The following TMEM150C variants were observed in gnomAD, a reference collection of about 807,000 sequenced individuals.
TMEM150C encodes transmembrane protein 150C, also known as tentonin 3.
In TMEM150C, 10 loss-of-function variants were observed where a neutral mutation model predicts 29.9. That is an observed-to-expected ratio of 0.33 (90% CI 0.21 to 0.57). The LOEUF (loss-of-function observed/expected upper bound fraction) is 0.57. Among genes scored for constraint, TMEM150C ranks in the 20% least tolerant of loss-of-function variants. The pLI, the probability that TMEM150C is intolerant of heterozygous loss-of-function variation, is 0.88. For missense variants in TMEM150C, 251 were observed against 303.6 expected (o/e 0.83, Z 1.29); for synonymous variants, 101 against 112.5 (o/e 0.90, Z 0.64).
intron 1 of TMEM150C, among the ~76,000 whole-genome samples, chr4:82,545,632 A>T (rs1299744699): frequency 6.6e-6 from 1 of 152,196 alleles, no homozygotes; most frequent in Admixed American, 6.5e-5. Flanking sequence ...CTATACTTAG[A>T]AAATCCTATA....
chr4:82,495,274 C>G, intron 6 of TMEM150C: 1 of 224,776 alleles, frequency 4.4e-6, no homozygotes, highest in Non-Finnish European at 8.8e-6. Flanking sequence ...AACTCCGTCT[C>G]TACTAAAAAT....
chr4:82,527,195 C>T (rs538890191), intron 1 of TMEM150C, among the ~76,000 whole-genome samples: 26 of 151,776 alleles, frequency 1.7e-4, no homozygotes, highest in Non-Finnish European at 3.7e-4. Flanking sequence ...TGTGTGTTTC[C>T]GGTGAGAATG....
chr4:82,544,797 AT>A (rs891144664), intron 1 of TMEM150C, among the ~76,000 whole-genome samples: 21 of 149,052 alleles, frequency 1.4e-4, no homozygotes, highest in Admixed American at 1.1e-3. Context: ...GAAATGTAGC[AT>A]TTGTTTTTCA....
At chr4:82,491,156 C>T (rs1723332271) in intron 6 of TMEM150C, 1 of 701,762 alleles carries the variant, frequency 1.4e-6, no homozygotes, top group South Asian at 1.5e-5. Flanking sequence ...CGTGTGCAAT[C>T]ACCACCAGCT....
chr4:82,505,234 A>AT (rs1215335734), intron 1 of TMEM150C, among the ~76,000 whole-genome samples: 1 of 152,050 alleles, frequency 6.6e-6, no homozygotes, highest in Non-Finnish European at 1.5e-5. Context: ...TTTTGTAGAG[A>AT]TGGGGTCTAG....
chr4:82,524,102 C>CAAAAAAAAA (rs75621252), intron 1 of TMEM150C, among the ~76,000 whole-genome samples: 1 of 109,514 alleles, frequency 9.1e-6, no homozygotes, highest in African/African-American at 3.1e-5. Flanking sequence ...ACTAAAAATA[C>CAAAAAAAAA]AAAAAAAAAA....
intron 1 of TMEM150C, among the ~76,000 whole-genome samples, chr4:82,558,140 A>C (rs1217828322): frequency 6.6e-6 from 1 of 152,200 alleles, no homozygotes; most frequent in Non-Finnish European, 1.5e-5. Flanking sequence ...ATTGCCTTTA[A>C]ATGCTATCTC....
In TMEM150C at chr4:82,502,680, A is replaced by G. The variant is rs747427267; in HGVS notation, c.235+47T>C. 4.5e-5 allele frequency: 70 copies of G among 1,548,242 alleles called. No individual in the cohort carries two copies. In the African/African-American group the frequency reaches 8.4e-4, roughly 19 times the overall value. ...AGGGTTTGGGAGAATTTAAAATACA[A>G]AAGAAATGTACCAAAGCACATAAAG... On this transcript the variant is annotated intron_variant, in intron 5 of 7. Coordinates refer to ENST00000449862, the MANE Select transcript of TMEM150C (RefSeq NM_001080506.3).
intron 1 of TMEM150C, among the ~76,000 whole-genome samples, chr4:82,504,891 G>A (rs1473346472): frequency 3.3e-5 from 5 of 152,184 alleles, no homozygotes; most frequent in African/African-American, 4.8e-5. Flanking sequence ...ATAGCCGGGC[G>A]TGGTGGCGGG....
At chr4:82,505,848 G>T (rs1363980032) in intron 1 of TMEM150C, among the ~76,000 whole-genome samples, 1 of 152,142 alleles carries the variant, frequency 6.6e-6, no homozygotes, top group African/African-American at 2.4e-5. Context: ...AAAATTATCA[G>T]TATTAAACAT....
chr4:82,490,137 G>T lies in TMEM150C; in HGVS notation c.465C>A (p.Asn155Lys). Residue 155 changes from asparagine (N) to lysine (K), a missense_variant, in exon 7 of 8, where the codon AAC becomes AAA. By Grantham distance (94) the Asn-to-Lys change is moderately conservative (BLOSUM62 0). Transcript: ENST00000449862. ...WIQAALTLKV[N>K]IKNEGRRVGI... is the part of the protein sequence containing the mutation. ...CAACTCTCCGTCCTTCATTCTTGAT[G>T]TTGACCTTGAGTGTCAGCGCAGCCT... is the stretch of plus-strand genomic sequence containing the variant. 1 of 1,614,006 alleles carries T rather than the reference G, an allele frequency of 6.2e-7. No homozygotes were observed. The highest frequency in any genetic ancestry group is 8.5e-7 in the Non-Finnish European group (1 of 1,179,880).
At chr4:82,519,098 T>C (rs879552710) in intron 1 of TMEM150C, among the ~76,000 whole-genome samples, 20 of 152,204 alleles carry the variant, frequency 1.3e-4, no homozygotes, top group African/African-American at 3.4e-4. Flanking sequence ...CGAGTGTTAG[T>C]CTTCTGGAAA....
intron 1 of TMEM150C, among the ~76,000 whole-genome samples, chr4:82,534,684 G>C (rs1478168126): frequency 1.3e-5 from 2 of 152,104 alleles, no homozygotes; most frequent in African/African-American, 4.8e-5. Flanking sequence ...TATAGAATTG[G>C]AGCAGAGGGA....
chr4:82,548,967 T>A (rs1220949164), intron 1 of TMEM150C, among the ~76,000 whole-genome samples: 1 of 152,190 alleles, frequency 6.6e-6, no homozygotes, highest in Non-Finnish European at 1.5e-5. Context: ...TGCCCCATCC[T>A]GGGGGTAATG....
At chr4:82,499,471 C>T (rs958936246) in intron 5 of TMEM150C, among the ~76,000 whole-genome samples, 6 of 151,992 alleles carry the variant, frequency 3.9e-5, no homozygotes, top group African/African-American at 1.5e-4. Flanking sequence ...CCTATAATCC[C>T]AGCACTTTGG....
At chr4:82,555,870 T>C (rs554104693) in intron 1 of TMEM150C, among the ~76,000 whole-genome samples, 3 of 152,352 alleles carry the variant, frequency 2.0e-5, no homozygotes, top group Admixed American at 6.5e-5. Flanking sequence ...TGTTACTCAC[T>C]ATTAGCTATT....
intron 1 of TMEM150C, among the ~76,000 whole-genome samples, chr4:82,520,450 G>A (rs1274091890): frequency 6.6e-6 from 1 of 152,088 alleles, no homozygotes; most frequent in Non-Finnish European, 1.5e-5. Context: ...CCTTGAGATC[G>A]TCTTAGACAC....
intron 1 of TMEM150C, among the ~76,000 whole-genome samples, chr4:82,535,095 G>C (rs965302082): frequency 1.2e-4 from 19 of 152,138 alleles, no homozygotes; most frequent in African/African-American, 4.3e-4. Flanking sequence ...GGGTTTGTTT[G>C]GATGAATCTG....
At chr4:82,497,733 A>G (rs1421271879) in intron 5 of TMEM150C, among the ~76,000 whole-genome samples, 1 of 152,222 alleles carries the variant, frequency 6.6e-6, no homozygotes, top group Non-Finnish European at 1.5e-5. Flanking sequence ...TATTGGTTTG[A>G]GGGACCTAGG....
Sources: allele counts gnomAD v4.1 joint callset (sites outside exome capture counted in the v4.1 genomes callset), GRCh38; gene constraint gnomAD v4.1.1; transcripts MANE v1.5; gene names NCBI Gene and HGNC (gene_info 2026-07-23, HGNC 2026-07-21).